The following PUM1 variants were observed in gnomAD, a reference collection of about 807,000 sequenced individuals.
PUM1 encodes pumilio homolog 1.
In PUM1, 13 loss-of-function variants were observed where a neutral mutation model predicts 131.8. The observed-to-expected ratio is 0.10, with a 90% CI of 0.06 to 0.16. PUM1 has a LOEUF of 0.16. Among genes scored for constraint, PUM1 ranks in the 10% least tolerant of loss-of-function variants. The pLI, the probability that PUM1 is intolerant of heterozygous loss-of-function variation, is 1.00. For synonymous variants in PUM1, 509 were observed against 556.5 expected (o/e 0.91, Z 1.20); for missense variants, 961 against 1,512.4 (o/e 0.64, Z 6.05).
intron 2 of PUM1, among the ~76,000 whole-genome samples, chr1:31,039,978 A>T (rs546402103): frequency 2.1e-4 from 32 of 152,274 alleles, no homozygotes; most frequent in Admixed American, 2.0e-3. Flanking sequence ...CAAGAGCGAA[A>T]CTCCATCTCA....
intron 7 of PUM1, among the ~76,000 whole-genome samples, chr1:30,986,856 A>T (rs1361399829): frequency 1.3e-5 from 2 of 152,234 alleles, no homozygotes; most frequent in Non-Finnish European, 2.9e-5. Flanking sequence ...AAATACCTAC[A>T]TTAAAAGTAT....
chr1:31,057,475 A>T (rs1171609964), intron 2 of PUM1, among the ~76,000 whole-genome samples: 1 of 151,116 alleles, frequency 6.6e-6, no homozygotes, highest in Non-Finnish European at 1.5e-5. Flanking sequence ...CCGTAATCCC[A>T]GCACTTTGGG....
chr1:30,940,123 T>C (rs961769455), intron 20 of PUM1, among the ~76,000 whole-genome samples: 4 of 152,186 alleles, frequency 2.6e-5, no homozygotes, highest in Non-Finnish European at 5.9e-5. Context: ...GATCTACAGG[T>C]ACTTTCATTT....
chr1:30,973,173 C>G (rs1280078232), intron 10 of PUM1: 1 of 152,288 alleles, frequency 6.6e-6, no homozygotes, highest in African/African-American at 2.5e-5. Context: ...TATCTGTTGC[C>G]AAGAAAATCA....
chr1:31,039,396 TG>T (rs931625014), intron 2 of PUM1, among the ~76,000 whole-genome samples: 15 of 151,814 alleles, frequency 9.9e-5, no homozygotes, highest in African/African-American at 3.4e-4. Context: ...CTAATTTTTT[TG>T]TATTTTTAGT....
chr1:30,958,514 T>C (rs912002509), intron 14 of PUM1, among the ~76,000 whole-genome samples: 6 of 152,126 alleles, frequency 3.9e-5, no homozygotes, highest in African/African-American at 9.7e-5. Context: ...AGCCAGGGGA[T>C]TGTGCAAAAA....
intron 2 of PUM1, among the ~76,000 whole-genome samples, chr1:31,041,763 T>C (rs2124570972): frequency 6.6e-6 from 1 of 152,212 alleles, no homozygotes; most frequent in Middle Eastern, 3.4e-3. Flanking sequence ...GTAACTTACT[T>C]CCTGTACAGT....
intron 3 of PUM1, among the ~76,000 whole-genome samples, chr1:31,021,764 T>G (rs1324005817): frequency 6.6e-6 from 1 of 152,132 alleles, no homozygotes; most frequent in South Asian, 2.1e-4. Flanking sequence ...CCTTCACAGC[T>G]TCTAATGGGA....
At chr1:30,949,672 A>G (rs2124407920) in intron 17 of PUM1, among the ~76,000 whole-genome samples, 1 of 152,258 alleles carries the variant, frequency 6.6e-6, no homozygotes, top group Admixed American at 6.5e-5. Flanking sequence ...TCTGGCACAG[A>G]GTGGGCTTCA....
At position 30,949,160 on chromosome 1, in the gene PUM1, G is replaced by A. The variant is rs780187894; in HGVS notation, c.2856+967C>T. On this transcript the variant is annotated intron_variant, in intron 17 of 21. Transcript: ENST00000426105. ...TCCATTAACAAAGATTCTCATTACC[G>A]AACTTTGTTCTCAGTGAGGGCAAGT... 1.2e-4 allele frequency: 53 copies of A among 447,738 alleles called. 1 individual carries two copies. In the East Asian group the frequency reaches 3.0e-3, roughly 26 times the overall value. The allele number at this position is 447,738 out of a possible 1,614,324, so 27.7% of individuals were successfully genotyped here. A position where few individuals can be genotyped will look rare whatever the true frequency, so the allele number is the denominator to read the frequency against.
chr1:30,972,855 G>A (rs1228142951), intron 10 of PUM1, among the ~76,000 whole-genome samples: 1 of 151,980 alleles, frequency 6.6e-6, no homozygotes, highest in Non-Finnish European at 1.5e-5. Context: ...CGAGACGGGT[G>A]GATCACCTGA....
At chr1:30,975,517 ATTTTTTTTTT>A (rs751510345) in intron 9 of PUM1, among the ~76,000 whole-genome samples, 1 of 84,144 alleles carries the variant, frequency 1.2e-5, no homozygotes, top group African/African-American at 4.5e-5. Context: ...TACCTGACTA[ATTTTTTTTTT>A]TTTTTTTTTT....
chr1:31,011,164 T>TAC (rs138764103), intron 3 of PUM1, among the ~76,000 whole-genome samples: 12,339 of 142,910 alleles, frequency 0.086, 589 homozygotes, highest in South Asian at 0.15. Flanking sequence ...TCTCTTAAAA[T>TAC]ACACACACAC....
intron 2 of PUM1, 72 bp from the exon 3 acceptor site, chr1:31,028,936 T>A: frequency 8.4e-7 from 1 of 1,197,438 alleles, no homozygotes; most frequent in Non-Finnish European, 1.2e-6. Flanking sequence ...TTACACACAA[T>A]TGAAAATTTA....
chr1:31,041,889 T>C (rs1246310817), intron 2 of PUM1, among the ~76,000 whole-genome samples: 5 of 151,978 alleles, frequency 3.3e-5, no homozygotes, highest in African/African-American at 1.2e-4. Context: ...ATGAGAAAGA[T>C]AAAAATGTGC....
rs76917420 is a variant in PUM1 at position 30,952,525 on chromosome 1, T to C, written c.2592-162A>G. Among the ~76,000 whole-genome samples the C allele has an allele frequency of 5.1e-3, 773 of 152,258 alleles. 4 individuals are homozygous for C. The highest frequency in any genetic ancestry group is 0.032 in the East Asian group (165 of 5,184). On this transcript the variant is annotated intron_variant, in intron 15 of 21. Coordinates refer to ENST00000426105, the MANE Select transcript of PUM1 (RefSeq NM_001020658.2). ...CCAAACTTTATTTGAATGAATCACT[T>C]GAACTCCCTTGAAGAGTTTTTAAAT...
At chr1:31,023,530 C>T (rs1192773498) in intron 3 of PUM1, among the ~76,000 whole-genome samples, 3 of 152,196 alleles carry the variant, frequency 2.0e-5, no homozygotes, top group Admixed American at 1.3e-4. Context: ...AGTCTCCATA[C>T]TGGAGTCAGG....
intron 9 of PUM1, among the ~76,000 whole-genome samples, chr1:30,978,853 C>T (rs1355970171): frequency 6.6e-6 from 1 of 152,140 alleles, no homozygotes; most frequent in Non-Finnish European, 1.5e-5. Flanking sequence ...AATGCCAGCA[C>T]TTTGGGAGGC....
chr1:31,052,417 C>A (rs201508764), intron 2 of PUM1, among the ~76,000 whole-genome samples: 4 of 144,538 alleles, frequency 2.8e-5, no homozygotes, highest in African/African-American at 1.0e-4. Flanking sequence ...TTTTTTTTTT[C>A]TTTTCAAAGA....
Sources: allele counts gnomAD v4.1 joint callset (sites outside exome capture counted in the v4.1 genomes callset), GRCh38; gene constraint gnomAD v4.1.1; transcripts MANE v1.5; gene names NCBI Gene and HGNC (gene_info 2026-07-23, HGNC 2026-07-21).